TAFA2: variants seen among roughly 807,000 people sequenced by gnomAD.
The protein encoded by TAFA2 is chemokine-like protein TAFA-2.
In TAFA2, 7 loss-of-function variants were observed where a neutral mutation model predicts 18.8. The ratio of observed to expected loss-of-function variants is 0.37; its 90% confidence interval spans 0.21 to 0.70. The LOEUF (loss-of-function observed/expected upper bound fraction) is 0.70, where lower values mean the gene tolerates loss of function less well. Ranked by LOEUF, TAFA2 falls within the 30% of genes least tolerant of loss-of-function variation. TAFA2 has a pLI of 0.53. For synonymous variants in TAFA2, 60 were observed against 54.2 expected (o/e 1.11, Z -0.47); for missense variants, 122 against 158.1 (o/e 0.77, Z 1.23).
At chr12:62,221,787 A>C (rs2062764071) in intron 1 of TAFA2, among the ~76,000 whole-genome samples, 1 of 152,198 alleles carries the variant, frequency 6.6e-6, no homozygotes, top group African/African-American at 2.4e-5. Context: ...TTTTTAAATA[A>C]GATGCAAAAA....
chr12:61,740,266 T>A (rs1396975514), intron 4 of TAFA2, among the ~76,000 whole-genome samples: 1 of 151,484 alleles, frequency 6.6e-6, no homozygotes, highest in Non-Finnish European at 1.5e-5. Flanking sequence ...CACTCATAAG[T>A]GGGAGTTGAA....
chr12:61,927,893 A>G (rs1333980651), intron 1 of TAFA2, among the ~76,000 whole-genome samples: 6 of 152,218 alleles, frequency 3.9e-5, no homozygotes, highest in Non-Finnish European at 8.8e-5. Context: ...CAAACCTGAC[A>G]AAAACAAGCA....
At chr12:61,729,077 C>T (rs185631551) in intron 4 of TAFA2, among the ~76,000 whole-genome samples, 76 of 151,828 alleles carry the variant, frequency 5.0e-4, no homozygotes, top group African/African-American at 1.8e-3. Flanking sequence ...ACCCCAATCT[C>T]TTCTAGCTTG....
intron 2 of TAFA2, among the ~76,000 whole-genome samples, chr12:61,757,281 G>A (rs551113059): frequency 6.6e-6 from 1 of 152,014 alleles, no homozygotes; most frequent in Non-Finnish European, 1.5e-5. Context: ...TGATTTACCA[G>A]TGGGTAGAAT....
intron 4 of TAFA2, among the ~76,000 whole-genome samples, chr12:61,746,988 C>T (rs1367911012): frequency 6.6e-6 from 1 of 151,964 alleles, no homozygotes; most frequent in African/African-American, 2.4e-5. Context: ...GGCTAATATC[C>T]AGAATCTACA....
At chr12:61,941,902 G>A (rs1259052820) in intron 1 of TAFA2, among the ~76,000 whole-genome samples, 2 of 152,198 alleles carry the variant, frequency 1.3e-5, no homozygotes, top group Admixed American at 1.3e-4. Context: ...GCCCAGGCTT[G>A]ATTAGGTAAA....
intron 1 of TAFA2, among the ~76,000 whole-genome samples, chr12:61,870,623 T>C (rs1002691871): frequency 6.6e-6 from 1 of 152,174 alleles, no homozygotes; most frequent in African/African-American, 2.4e-5. Flanking sequence ...TTTTGTCCCA[T>C]CTTTTTCTCC....
chr12:62,193,523 T>C (rs927284638), upstream of TAFA2, among the ~76,000 whole-genome samples: 11 of 152,354 alleles, frequency 7.2e-5, no homozygotes, highest in Middle Eastern at 3.4e-3. Context: ...CAAAGAAATA[T>C]AGAATATGTG....
chr12:61,886,526 C>G (rs1340907051), intron 1 of TAFA2, among the ~76,000 whole-genome samples: 1 of 152,122 alleles, frequency 6.6e-6, no homozygotes, highest in East Asian at 1.9e-4. Context: ...TTTGCCTTAT[C>G]CCTAAATGTC....
intron 2 of TAFA2, among the ~76,000 whole-genome samples, chr12:61,859,983 C>T (rs1351158575): frequency 6.6e-6 from 1 of 152,118 alleles, no homozygotes; most frequent in Non-Finnish European, 1.5e-5. Context: ...GTTATGAAAG[C>T]ATAACTCTTA....
intron 1 of TAFA2, among the ~76,000 whole-genome samples, chr12:61,948,826 C>A (rs1206209028): frequency 6.6e-6 from 1 of 152,150 alleles, no homozygotes; most frequent in Admixed American, 6.6e-5. Flanking sequence ...GCTCTAGAGC[C>A]CATGCTCCAT....
chr12:61,733,671 T>C (rs1486257893), intron 4 of TAFA2, among the ~76,000 whole-genome samples: 2 of 150,276 alleles, frequency 1.3e-5, no homozygotes, highest in African/African-American at 4.9e-5. Context: ...TTTTGGTTAC[T>C]GTAGCCTTGT....
intron 1 of TAFA2, among the ~76,000 whole-genome samples, chr12:61,914,113 C>T (rs1228738496): frequency 6.6e-6 from 1 of 152,080 alleles, no homozygotes; most frequent in Non-Finnish European, 1.5e-5. Flanking sequence ...GGAAATCCAC[C>T]CTAATCACTA....
At chr12:62,258,416 A>G (rs905774487) in intron 1 of TAFA2, 1 of 152,312 alleles carries the variant, frequency 6.6e-6, no homozygotes, top group African/African-American at 2.4e-5. Flanking sequence ...TCAAAAATGC[A>G]TTTTCTCTTA....
In TAFA2 at chr12:61,897,076, C is replaced by T. The variant is rs74098456; in HGVS notation, c.-1-29650G>A. ...ATATTTAGAAAGCAAAATAATAAGA[C>T]AAATATGAACCACTACCTACCAAAC... On this transcript the variant is annotated intron_variant, in intron 1 of 4. Transcript: ENST00000416284. 7.8e-3 allele frequency among the ~76,000 whole-genome samples: 1,187 copies of T among 152,076 alleles called. 12 individuals carry two copies. Among genetic ancestry groups the T allele is most frequent in the African/African-American group, 0.028 (1,147 of 41,476 alleles).
At chr12:61,962,733 C>T (rs190479644) in intron 1 of TAFA2, among the ~76,000 whole-genome samples, 67 of 151,808 alleles carry the variant, frequency 4.4e-4, no homozygotes, top group African/African-American at 6.8e-4. Context: ...CATATGTTCC[C>T]GGTCTCATCT....
chr12:61,993,684 A>G (rs1294381265), intron 1 of TAFA2, among the ~76,000 whole-genome samples: 1 of 152,170 alleles, frequency 6.6e-6, no homozygotes, highest in East Asian at 1.9e-4. Flanking sequence ...CTTTCTGTCC[A>G]TGCTAATCCC....
intron 1 of TAFA2, among the ~76,000 whole-genome samples, chr12:61,991,412 A>G (rs550837311): frequency 3.1e-4 from 47 of 152,338 alleles, no homozygotes; most frequent in African/African-American, 1.1e-3. Context: ...CTATAAGCAC[A>G]TATGTAGGTT....
intron 2 of TAFA2, among the ~76,000 whole-genome samples, chr12:61,762,347 C>T (rs923764806): frequency 6.6e-6 from 1 of 151,972 alleles, no homozygotes; most frequent in African/African-American, 2.4e-5. Context: ...AAGAGCTTAG[C>T]TTGACCTATA....
Sources: allele counts gnomAD v4.1 joint callset (sites outside exome capture counted in the v4.1 genomes callset), GRCh38; gene constraint gnomAD v4.1.1; transcripts MANE v1.5; gene names NCBI Gene and HGNC (gene_info 2026-07-23, HGNC 2026-07-21).